IL18: variants seen among roughly 807,000 people sequenced by gnomAD.
IL18 encodes interleukin-18.
A neutral mutation model predicts 14.2 loss-of-function variants in IL18; 8 were observed. The ratio of observed to expected loss-of-function variants is 0.56; its 90% CI spans 0.33 to 1.01. The LOEUF is 1.01. Among genes scored for constraint, IL18 ranks in the 50% least tolerant of loss-of-function variants. The pLI, the probability that IL18 is intolerant of heterozygous loss-of-function variation, is 0.03. For synonymous variants in IL18, 67 were observed against 71.0 expected, an observed-to-expected ratio of 0.94 and a Z score of 0.28; for missense variants, 166 against 231.1, an observed-to-expected ratio of 0.72 and a Z score of 1.83.
chr11:112,161,007 A>G (rs559098704), intron 1 of IL18, among the ~76,000 whole-genome samples: 1 of 151,350 alleles, frequency 6.6e-6, no homozygotes, highest in South Asian at 2.1e-4. Flanking sequence ...ACTCTAATCT[A>G]TGAAAATTAT....
chr11:112,152,053 C>T (rs1169013292), intron 3 of IL18, among the ~76,000 whole-genome samples: 1 of 152,164 alleles, frequency 6.6e-6, no homozygotes, highest in African/African-American at 2.4e-5. Context: ...AATCTTTGTC[C>T]TGAACTCAGA....
At chr11:112,161,209 T>A (rs2135325833) in intron 1 of IL18, among the ~76,000 whole-genome samples, 1 of 152,316 alleles carries the variant, frequency 6.6e-6, no homozygotes, top group East Asian at 1.9e-4. Flanking sequence ...GGCTAGTGAA[T>A]GGTAGAATTT....
chr11:112,149,042 T>C (rs987382987), intron 4 of IL18, among the ~76,000 whole-genome samples: 65 of 151,966 alleles, frequency 4.3e-4, no homozygotes, highest in African/African-American at 1.5e-3. Context: ...GGGTTGTTTG[T>C]TTGTTTGGGA....
chr11:112,145,747 A>AG (rs1462387194), intron 5 of IL18, among the ~76,000 whole-genome samples: 5 of 142,536 alleles, frequency 3.5e-5, no homozygotes, highest in African/African-American at 1.2e-4. Flanking sequence ...TCAAAAAAAA[A>AG]GAAAAAAAGA....
At chr11:112,149,494 A>G (rs1866399274) in intron 4 of IL18, among the ~76,000 whole-genome samples, 1 of 151,630 alleles carries the variant, frequency 6.6e-6, no homozygotes, top group Non-Finnish European at 1.5e-5. Flanking sequence ...AACTCAGCCT[A>G]ACTTTGATAT....
At chr11:112,149,445 AGT>A (rs1454663039) in intron 4 of IL18, among the ~76,000 whole-genome samples, 1 of 152,052 alleles carries the variant, frequency 6.6e-6, no homozygotes, top group Non-Finnish European at 1.5e-5. Context: ...TGTTAAGGTA[AGT>A]ATTCAGTATT....
intron 1 of IL18, among the ~76,000 whole-genome samples, chr11:112,159,337 A>ACAC (rs907937493): frequency 4.6e-5 from 7 of 152,106 alleles, no homozygotes; most frequent in African/African-American, 1.4e-4. Flanking sequence ...AACTCTGTCA[A>ACAC]CACCACCACC....
chr11:112,154,286 A>C (rs999149512), intron 2 of IL18, among the ~76,000 whole-genome samples: 1 of 152,140 alleles, frequency 6.6e-6, no homozygotes, highest in Non-Finnish European at 1.5e-5. Flanking sequence ...GCACTTTGGG[A>C]GGCCGAGGCA....
intron 1 of IL18, among the ~76,000 whole-genome samples, chr11:112,163,063 T>C (rs1428745233): frequency 6.6e-6 from 1 of 152,234 alleles, no homozygotes; most frequent in African/African-American, 2.4e-5. Context: ...GAAGATTTAA[T>C]AGAACGTAAA....
At chr11:112,159,538 A>C (rs1348740412) in intron 1 of IL18, among the ~76,000 whole-genome samples, 1 of 152,222 alleles carries the variant, frequency 6.6e-6, no homozygotes. Flanking sequence ...GGAACTGAGG[A>C]TGACTTCGTA....
At chr11:112,144,656 A>G (rs1443273513) in intron 5 of IL18, among the ~76,000 whole-genome samples, 7 of 152,192 alleles carry the variant, frequency 4.6e-5, no homozygotes, top group Admixed American at 6.5e-5. Flanking sequence ...AATAGACCCA[A>G]TAATTGTTGT....
intron 5 of IL18, among the ~76,000 whole-genome samples, chr11:112,144,948 A>G (rs1566734691): frequency 6.6e-6 from 1 of 152,252 alleles, no homozygotes; most frequent in African/African-American, 2.4e-5. Flanking sequence ...TTAGTGCAGC[A>G]TGTCTATTTT....
chr11:112,158,436 T>G (rs1866571099), intron 1 of IL18, among the ~76,000 whole-genome samples: 1 of 151,984 alleles, frequency 6.6e-6, no homozygotes, highest in Non-Finnish European at 1.5e-5. Context: ...GCCTGCTGTC[T>G]CCACACAGCC....
intron 5 of IL18, 116 bp downstream of exon 5, chr11:112,148,487 G>T: frequency 2.1e-6 from 1 of 471,174 alleles, no homozygotes; most frequent in Non-Finnish European, 3.4e-6. Context: ...AGGTTGGTCT[G>T]AGGATATTTG....
intron 5 of IL18, among the ~76,000 whole-genome samples, chr11:112,147,857 C>G (rs1425030343): frequency 6.6e-6 from 1 of 152,086 alleles, no homozygotes; most frequent in African/African-American, 2.4e-5. Context: ...TGAAGCATTG[C>G]CAATTTGTAA....
At chr11:112,157,366 A>G (rs1178824641) in intron 1 of IL18, among the ~76,000 whole-genome samples, 1 of 152,232 alleles carries the variant, frequency 6.6e-6, no homozygotes, top group Non-Finnish European at 1.5e-5. Context: ...ATAGTTAGTC[A>G]ATGAGTGAAT....
chr11:112,144,275 C>T (rs1384965905), intron 5 of IL18, among the ~76,000 whole-genome samples: 2 of 152,228 alleles, frequency 1.3e-5, no homozygotes, highest in Non-Finnish European at 2.9e-5. Context: ...CTCTGTTGCC[C>T]AGCCAGAAGT....
chr11:112,152,430 C>T (rs758027986), intron 3 of IL18, among the ~76,000 whole-genome samples: 43 of 152,116 alleles, frequency 2.8e-4, no homozygotes, highest in Non-Finnish European at 5.0e-4. Context: ...CCTCCTCACC[C>T]CACACCATCA....
intron 5 of IL18, among the ~76,000 whole-genome samples, chr11:112,145,740 AAAAAAAAGAAAAAAAG>A (rs546354708): frequency 5.3e-5 from 8 of 151,528 alleles, no homozygotes; most frequent in Admixed American, 2.0e-4. Flanking sequence ...CTCCGTTTCA[AAAAAAAAGAAAAAAAG>A]AAAAAAAGAA....
Sources: allele counts gnomAD v4.1 joint callset (sites outside exome capture counted in the v4.1 genomes callset), GRCh38; gene constraint gnomAD v4.1.1; transcripts MANE v1.5; gene names NCBI Gene and HGNC (gene_info 2026-07-23, HGNC 2026-07-21).